Variants in HPSE2 observed in about 807,000 individuals in gnomAD.
HPSE2 encodes the protein heparanase 2 (inactive).
Under a neutral mutation model 60.5 loss-of-function variants are expected in HPSE2, and 38 were observed. The observed-to-expected ratio is 0.63, with a 90% CI of 0.48 to 0.82. The LOEUF (loss-of-function observed/expected upper bound fraction) is 0.82, where lower values mean the gene tolerates loss of function less well. Among genes scored for constraint, HPSE2 ranks in the 40% least tolerant of loss-of-function variants. The pLI, the probability that HPSE2 is intolerant of heterozygous loss-of-function variation, is 0.00. For synonymous variants in HPSE2, 295 were observed against 293.2 expected, an observed-to-expected ratio of 1.01 and a Z score of -0.06; for missense variants, 713 against 740.4, an observed-to-expected ratio of 0.96 and a Z score of 0.43.
intron 6 of HPSE2, among the ~76,000 whole-genome samples, chr10:98,692,229 A>G (rs544326582): frequency 2.0e-5 from 3 of 152,124 alleles, no homozygotes; most frequent in Non-Finnish European, 4.4e-5. Context: ...AGGCAGAAGG[A>G]CTAGCATATA....
At chr10:99,185,598 C>A (rs1847974487) in intron 2 of HPSE2, among the ~76,000 whole-genome samples, 1 of 151,818 alleles carries the variant, frequency 6.6e-6, no homozygotes. Flanking sequence ...CACAGTGAAA[C>A]CCCATCTCTA....
intron 3 of HPSE2, among the ~76,000 whole-genome samples, chr10:99,131,159 C>T (rs1845369185): frequency 6.6e-6 from 1 of 152,138 alleles, no homozygotes; most frequent in Non-Finnish European, 1.5e-5. Flanking sequence ...TTAAAACACC[C>T]TCAGCAAAAT....
At chr10:99,143,215 C>A (rs1252258721) in intron 3 of HPSE2, among the ~76,000 whole-genome samples, 2 of 152,118 alleles carry the variant, frequency 1.3e-5, no homozygotes, top group African/African-American at 4.8e-5. Context: ...ACATTTAAGT[C>A]TGGCTTTCAT....
At chr10:98,759,085 C>T (rs1949946768) in intron 3 of HPSE2, among the ~76,000 whole-genome samples, 1 of 152,220 alleles carries the variant, frequency 6.6e-6, no homozygotes, top group African/African-American at 2.4e-5. Flanking sequence ...AATGCAGGAA[C>T]AGAAAACCAA....
At chr10:98,761,756 T>C (rs1950009057) in intron 3 of HPSE2, among the ~76,000 whole-genome samples, 1 of 152,164 alleles carries the variant, frequency 6.6e-6, no homozygotes, top group Non-Finnish European at 1.5e-5. Context: ...GGACTTAACT[T>C]ACAATCTGGA....
At chr10:99,233,796 C>A (rs1849748065) in intron 1 of HPSE2, among the ~76,000 whole-genome samples, 2 of 152,236 alleles carry the variant, frequency 1.3e-5, no homozygotes, top group South Asian at 4.2e-4. Context: ...ACAGTCAGGG[C>A]GTCGCGTGGG....
At chr10:98,523,295 C>A (rs1942858963) in intron 9 of HPSE2, among the ~76,000 whole-genome samples, 1 of 152,170 alleles carries the variant, frequency 6.6e-6, no homozygotes, top group South Asian at 2.1e-4. Flanking sequence ...TCATACACAA[C>A]TACTCAAATA....
At chr10:98,463,049 A>G (rs184124331) in intron 11 of HPSE2, among the ~76,000 whole-genome samples, 1 of 151,642 alleles carries the variant, frequency 6.6e-6, no homozygotes, top group East Asian at 1.9e-4. Context: ...CTTCTCCCCC[A>G]ATTCCCTTGT....
At chr10:99,144,172 G>T in intron 3 of HPSE2, 66 bp downstream of exon 3, 2 of 1,461,932 alleles carry the variant, frequency 1.4e-6, no homozygotes, top group Non-Finnish European at 9.5e-7. Flanking sequence ...ACAGACAGAT[G>T]TGTACCCCAA....
At chr10:98,599,642 T>C (rs11189706) in intron 9 of HPSE2, among the ~76,000 whole-genome samples, 63,753 of 152,062 alleles carry the variant, frequency 0.42, 16,105 homozygotes, top group Admixed American at 0.54. Context: ...TTCCCCCAAG[T>C]GCAGGGTATC....
At chr10:98,748,587 C>G (rs1949681675) in intron 3 of HPSE2, among the ~76,000 whole-genome samples, 1 of 152,082 alleles carries the variant, frequency 6.6e-6, no homozygotes, top group East Asian at 1.9e-4. Context: ...AGATGAGGAG[C>G]TGGGACTTGA....
the HPSE2 span, among the ~76,000 whole-genome samples, chr10:99,311,280 C>T: frequency 6.6e-6 from 1 of 152,154 alleles, no homozygotes; most frequent in Non-Finnish European, 1.5e-5. Flanking sequence ...TGTAGGCATA[C>T]CTCATTTTAT....
intron 3 of HPSE2, among the ~76,000 whole-genome samples, chr10:98,781,284 CTT>C (rs1950460133): frequency 1.1e-5 from 1 of 87,154 alleles, no homozygotes; most frequent in African/African-American, 4.7e-5. Flanking sequence ...CATATATCCA[CTT>C]CTTTTTTTTT....
At chr10:98,711,703 C>G (rs1948680121) in intron 5 of HPSE2, among the ~76,000 whole-genome samples, 1 of 152,138 alleles carries the variant, frequency 6.6e-6, no homozygotes, top group South Asian at 2.1e-4. Flanking sequence ...GTTTCCTCTT[C>G]TTGGTTCTGG....
chr10:98,983,126 G>A (rs867971085), intron 3 of HPSE2, among the ~76,000 whole-genome samples: 1 of 152,296 alleles, frequency 6.6e-6, no homozygotes, highest in East Asian at 1.9e-4. Flanking sequence ...TTTTTTCCAA[G>A]AACTGGAAGG....
chr10:99,242,590 A>C, the HPSE2 span, among the ~76,000 whole-genome samples: 2 of 152,218 alleles, frequency 1.3e-5, no homozygotes, highest in Non-Finnish European at 2.9e-5. Context: ...ACACCCAGTG[A>C]AGAACCTATC....
intron 3 of HPSE2, among the ~76,000 whole-genome samples, chr10:98,781,280 T>G (rs949483353): frequency 1.6e-5 from 2 of 125,420 alleles, no homozygotes; most frequent in Non-Finnish European, 3.3e-5. Flanking sequence ...CACCCATATA[T>G]CCACTTCTTT....
At chr10:99,315,804 C>T in the HPSE2 span, among the ~76,000 whole-genome samples, 1 of 152,188 alleles carries the variant, frequency 6.6e-6, no homozygotes, top group Admixed American at 6.5e-5. Flanking sequence ...GCCCTCTTCC[C>T]CAAACAGCAT....
chr10:98,978,620 A>C (rs1475523430), intron 3 of HPSE2, among the ~76,000 whole-genome samples: 1 of 152,094 alleles, frequency 6.6e-6, no homozygotes, highest in East Asian at 1.9e-4. Flanking sequence ...AAATCTAAAA[A>C]TTTTCTTTAC....
Sources: gnomAD v4.1 joint callset for allele counts (sites outside exome capture counted in the v4.1 genomes callset) on GRCh38, gnomAD v4.1.1 for gene constraint, MANE v1.5 for transcripts, NCBI Gene and HGNC (gene_info 2026-07-23, HGNC 2026-07-21) for gene names.